Variants in KIN observed in about 807,000 individuals in gnomAD.
KIN encodes the protein Kin17 DNA and RNA binding protein, also known as DNA/RNA-binding protein KIN17.
A neutral mutation model predicts 63.0 loss-of-function variants in KIN; 47 were observed. That is an observed-to-expected ratio of 0.75 (90% CI 0.59 to 0.95). KIN has a LOEUF of 0.95. Among genes scored for constraint, KIN ranks in the 40% least tolerant of loss-of-function variants. The pLI is 0.00. For missense variants in KIN, 408 were observed against 460.9 expected (o/e 0.89, Z 1.05); for synonymous variants, 160 against 157.7 (o/e 1.01, Z -0.11).
chr10:7,784,107 C>T (rs1382859043), intron 1 of KIN, among the ~76,000 whole-genome samples: 1 of 152,064 alleles, frequency 6.6e-6, no homozygotes, highest in African/African-American at 2.4e-5. Flanking sequence ...TATCACTTTC[C>T]ATATATTAAA....
chr10:7,756,793 T>C (rs1324662879), intron 12 of KIN, among the ~76,000 whole-genome samples: 1 of 152,182 alleles, frequency 6.6e-6, no homozygotes, highest in Non-Finnish European at 1.5e-5. Flanking sequence ...CATGTTTGTC[T>C]AGGTTGGCTG....
chr10:7,769,751 A>G (rs2131005528), intron 7 of KIN, among the ~76,000 whole-genome samples: 1 of 152,302 alleles, frequency 6.6e-6, no homozygotes, highest in East Asian at 1.9e-4. Context: ...TCAAATCTTC[A>G]TCTATAAACG....
chr10:7,753,128 T>A lies in KIN; in HGVS notation c.*2952A>T, dbSNP rs1835269127. 1 of 152,260 alleles carries A rather than the reference T, an allele frequency of 6.6e-6. No homozygotes were observed. Among genetic ancestry groups the A allele is most frequent in the Non-Finnish European group, 1.5e-5 (1 of 68,048 alleles). The allele number at this position is 152,260 out of a possible 1,614,324, so 9.4% of individuals were successfully genotyped here. A position where few individuals can be genotyped will look rare whatever the true frequency, so the allele number is the denominator to read the frequency against. Reference sequence around the variant, plus strand: ...AATATGAGACCTGTTGTTAGTTATCTGCAGTCATTTTGCTTAGCATAAACT... The same window carrying A: ...AATATGAGACCTGTTGTTAGTTATCAGCAGTCATTTTGCTTAGCATAAACT... On this transcript the variant is annotated 3_prime_UTR_variant, in exon 13 of 13. Transcript: ENST00000379562.
At chr10:7,782,974 T>G (rs1264135616) in intron 2 of KIN, 107 bp downstream of exon 2, 9 of 486,856 alleles carry the variant, frequency 1.8e-5, no homozygotes, top group Non-Finnish European at 3.2e-5. Context: ...GAGAATACAG[T>G]TAACATATAA....
chr10:7,778,696 G>A (rs571733199), intron 5 of KIN, 142 bp downstream of exon 5: 25 of 812,000 alleles, frequency 3.1e-5, no homozygotes, highest in Admixed American at 2.3e-4. Flanking sequence ...CTGAGATTGC[G>A]CTACTGCACT....
intron 10 of KIN, among the ~76,000 whole-genome samples, chr10:7,763,178 C>T (rs756780740): frequency 1.3e-4 from 20 of 152,120 alleles, no homozygotes; most frequent in Non-Finnish European, 2.8e-4. Flanking sequence ...ATCACTTGAA[C>T]CTGGGAGGCG....
chr10:7,785,601 T>G (rs1023763684), intron 1 of KIN, among the ~76,000 whole-genome samples: 2 of 152,150 alleles, frequency 1.3e-5, no homozygotes, highest in Non-Finnish European at 2.9e-5. Flanking sequence ...GAGACCAGCC[T>G]GGCCAACGTG....
intron 12 of KIN, among the ~76,000 whole-genome samples, chr10:7,756,807 T>C (rs11255340): frequency 0.05 from 7,671 of 152,264 alleles, 653 homozygotes; most frequent in African/African-American, 0.18. Flanking sequence ...TTGGCTGTGA[T>C]AGTTACACTG....
rs191068778 is a variant in KIN, at chr10:7,754,502, G to A, written c.*1578C>T. ...ACAAAAATTAGCTGGGCGTGGTGGC[G>A]CATGCCTGTAGTCCCAGCTACTCAG... is the stretch of plus-strand genomic sequence containing the variant. On this transcript the variant is annotated 3_prime_UTR_variant, in exon 13 of 13. Transcript: ENST00000379562. 110 of 161,280 alleles carry A rather than the reference G, an allele frequency of 6.8e-4. No individual in the cohort carries two copies. The highest frequency in any genetic ancestry group is 6.3e-3 in the East Asian group (34 of 5,402). 10.0% of individuals were successfully genotyped at this position (161,280 alleles called of 1,614,324 possible). A position where few individuals can be genotyped will look rare whatever the true frequency, so the allele number is the denominator to read the frequency against.
rs1261866819 is a variant in KIN at position 7,756,116 on chromosome 10, T to C, written c.1146A>G (p.Glu382=). Residue 382 remains glutamate, a synonymous_variant, in exon 13 of 13, where the codon GAA becomes GAG. Transcript: ENST00000379562. ...TAGAAATGTCTTCATATTGAATTCC[T>C]TCAACTCTGCGTCCTTTTAAAGGGC... is the stretch of plus-strand genomic sequence containing the variant. ...ETGPLKGRRV[E]GIQYEDISKL... is the part of the protein sequence containing the mutation. 3 of 1,590,370 alleles carry C rather than the reference T, an allele frequency of 1.9e-6. No homozygotes were observed. The highest frequency in any genetic ancestry group is 2.6e-6 in the Non-Finnish European group (3 of 1,167,520).
intron 12 of KIN, among the ~76,000 whole-genome samples, chr10:7,758,243 T>C (rs530955773): frequency 6.6e-6 from 1 of 152,280 alleles, no homozygotes; most frequent in South Asian, 2.1e-4. Flanking sequence ...CTAATTTTTG[T>C]ATTTTTAGTG....
chr10:7,779,057 T>C, intron 4 of KIN, 38 bp from the exon 5 acceptor site: 1 of 1,586,742 alleles, frequency 6.3e-7, no homozygotes, highest in Non-Finnish European at 8.6e-7. Flanking sequence ...TAGCATACAA[T>C]CAAAGCAAAA....
At chr10:7,781,098 C>T (rs1172896704) in intron 2 of KIN, among the ~76,000 whole-genome samples, 4 of 152,142 alleles carry the variant, frequency 2.6e-5, no homozygotes. Context: ...CTAGCATAAC[C>T]AATCATAACA....
At chr10:7,780,002 C>T in intron 4 of KIN, 54 bp downstream of exon 4, 1 of 1,575,944 alleles carries the variant, frequency 6.3e-7, no homozygotes, top group Non-Finnish European at 8.7e-7. Flanking sequence ...AACATCTCAT[C>T]CTATGAAGAT....
In KIN at chr10:7,755,979, T is replaced by A; in HGVS notation, c.*101A>T. ...TATTTTCAAAAACCTGTTTGTTTTA[T>A]ACAAAAGAATATACCCTAACACAGT... On this transcript the variant is annotated 3_prime_UTR_variant, in exon 13 of 13. Coordinates refer to ENST00000379562, the MANE Select transcript of KIN (RefSeq NM_012311.4). 3.2e-6 allele frequency: 2 copies of A among 623,074 alleles called. No homozygotes were observed. The highest frequency in any genetic ancestry group is 2.9e-5 in the Admixed American group (1 of 34,106). 38.6% of individuals were successfully genotyped at this position (623,074 alleles called of 1,614,324 possible).
At position 7,779,905 on chromosome 10, in the gene KIN, G is replaced by A. The variant is rs923201852; in HGVS notation, c.376+151C>T. The A allele has an allele frequency of 4.5e-6, 3 of 666,756 alleles. No individual in the cohort carries two copies. The African/African-American group carries it at 5.5e-5, about 12-fold the overall frequency. The allele number at this position is 666,756 out of a possible 1,614,324, so 41.3% of individuals were successfully genotyped here. On this transcript the variant is annotated intron_variant, in intron 4 of 12. Transcript: ENST00000379562. Reference sequence around the variant, plus strand: ...TTATATGATGTTCTATTAACTTAAGGCAGAAATTATGCTCCCAAAATGGAA... The same window carrying A: ...TTATATGATGTTCTATTAACTTAAGACAGAAATTATGCTCCCAAAATGGAA...
At chr10:7,778,172 TTC>T (rs1351253160) in intron 5 of KIN, among the ~76,000 whole-genome samples, 2 of 152,178 alleles carry the variant, frequency 1.3e-5, no homozygotes, top group African/African-American at 4.8e-5. Context: ...TAAACATTGC[TTC>T]TCTATGTTTC....
At position 7,754,421 on chromosome 10, in the gene KIN, T is replaced by G. The variant is rs1588466633; in HGVS notation, c.*1659A>C. The G allele has an allele frequency of 5.1e-6, 1 of 197,760 alleles. No individual in the cohort carries two copies. Among genetic ancestry groups the G allele is most frequent in the African/African-American group, 2.4e-5 (1 of 41,982 alleles). The allele number at this position is 197,760 out of a possible 1,614,324, so 12.3% of individuals were successfully genotyped here. Reference sequence around the variant, plus strand: ...AGGCTGAGGCGGGCAGATCATAAGGTCAAGAGATCGAGACCATCCTGGCCA... The same window carrying G: ...AGGCTGAGGCGGGCAGATCATAAGGGCAAGAGATCGAGACCATCCTGGCCA... On this transcript the variant is annotated 3_prime_UTR_variant, in exon 13 of 13. Transcript: ENST00000379562.
intron 5 of KIN, among the ~76,000 whole-genome samples, 158 bp from the exon 6 acceptor site, chr10:7,775,957 G>T (rs1016866925): frequency 6.6e-6 from 1 of 152,082 alleles, no homozygotes; most frequent in Non-Finnish European, 1.5e-5. Context: ...GGCCAGGCGC[G>T]GTGGCTCACA....
Sources: allele counts gnomAD v4.1 joint callset (sites outside exome capture counted in the v4.1 genomes callset), GRCh38; gene constraint gnomAD v4.1.1; transcripts MANE v1.5; gene names NCBI Gene and HGNC (gene_info 2026-07-23, HGNC 2026-07-21).